The following SPOCD1 variants were observed in gnomAD, a reference collection of about 807,000 sequenced individuals.
The protein encoded by SPOCD1 is SPOC domain containing 1.
Under a neutral mutation model 92.2 loss-of-function variants are expected in SPOCD1, and 64 were observed. The ratio of observed to expected loss-of-function variants is 0.69; its 90% CI spans 0.57 to 0.86. SPOCD1 has a LOEUF of 0.86. Among genes scored for constraint, SPOCD1 ranks in the 40% least tolerant of loss-of-function variants. SPOCD1 has a pLI of 0.00. For synonymous variants in SPOCD1, 578 were observed against 619.3 expected, an observed-to-expected ratio of 0.93 and a Z score of 0.99; for missense variants, 1,360 against 1,543.1, an observed-to-expected ratio of 0.88 and a Z score of 1.99.
rs1470566953 is a variant in SPOCD1, at chr1:31,798,643, G to A, written c.1869-42C>T. On this transcript the variant is annotated intron_variant, in intron 7 of 15. Coordinates refer to ENST00000360482, the MANE Select transcript of SPOCD1 (RefSeq NM_144569.7). This position sits in a 1 kb window ranked among gnomAD's most constrained non-coding sequence, Gnocchi z 4.1. The stretch of plus-strand genomic sequence containing the variant: ...AGGGCGGGGGCACTGAGCCCAGGAG[G>A]CTCTCCAGGCACTTAGTCCCAGAGG... 1.3e-6 allele frequency: 2 copies of A among 1,592,080 alleles called. No individual in the cohort carries two copies. The highest frequency in any genetic ancestry group is 2.3e-5 in the East Asian group (1 of 44,028).
At chr1:31,794,510 TTTTTTG>T (rs1647866749) in intron 10 of SPOCD1, 21 of 262,914 alleles carry the variant, frequency 8.0e-5, no homozygotes, top group Admixed American at 1.0e-4. Context: ...TCTTTTTTTT[TTTTTTG>T]TTTGTTTGTT....
intron 2 of SPOCD1, among the ~76,000 whole-genome samples, chr1:31,807,731 G>GA (rs2149114951): frequency 6.6e-6 from 1 of 151,946 alleles, no homozygotes; most frequent in South Asian, 2.1e-4. Context: ...TCGGTTCTTT[G>GA]AAAAAACTGA....
At position 31,798,919 on chromosome 1, in the gene SPOCD1, T is replaced by G; in HGVS notation, c.1869-318A>C. On this transcript the variant is annotated intron_variant, in intron 7 of 15. Coordinates refer to ENST00000360482, the MANE Select transcript of SPOCD1 (RefSeq NM_144569.7). The surrounding 1 kb of genome is among the most constrained non-coding windows in gnomAD (Gnocchi z 4.1). Reference sequence around the variant, plus strand: ...TGTGCCCCGTCTCTGGCTCACGGGATGTGTGGAGGGGAGGAAGCCGGGGTC... The same window carrying G: ...TGTGCCCCGTCTCTGGCTCACGGGAGGTGTGGAGGGGAGGAAGCCGGGGTC... The G allele has an allele frequency of 1.8e-6, 1 of 560,290 alleles. No individual in the cohort carries two copies. Among genetic ancestry groups the G allele is most frequent in the Non-Finnish European group, 3.1e-6 (1 of 318,046 alleles). 34.7% of individuals were successfully genotyped at this position (560,290 alleles called of 1,614,324 possible).
chr1:31,798,119 CCT>C lies in SPOCD1; in HGVS notation c.2145+86_2145+87del. 2.1e-6 allele frequency: 2 copies of C among 975,220 alleles called. No individual in the cohort carries two copies. The highest frequency in any genetic ancestry group is 2.4e-5 in the East Asian group (1 of 41,744). The allele number at this position is 975,220 out of a possible 1,614,324, so 60.4% of individuals were successfully genotyped here. ...TTTCTGAATTCCTCCTCCCTCCCTC[CCT>C]GTCTCTGTCTCTCCCTCTTCCACTC... On this transcript the variant is annotated intron_variant, in intron 9 of 15. Transcript: ENST00000360482. The surrounding 1 kb of genome is among the most constrained non-coding windows in gnomAD (Gnocchi z 4.1).
chr1:31,799,551 G>A (rs1648288472), intron 6 of SPOCD1, 66 bp from the exon 7 acceptor site: 3 of 1,414,668 alleles, frequency 2.1e-6, no homozygotes, highest in African/African-American at 2.8e-5. Context: ...GCTGACTCAA[G>A]GCTGATGGGT....
intron 7 of SPOCD1, among the ~76,000 whole-genome samples, chr1:31,799,110 G>T (rs1384561642): frequency 6.6e-6 from 1 of 152,180 alleles, no homozygotes; most frequent in Non-Finnish European, 1.5e-5. Context: ...GCCGCTCCCA[G>T]CACACACTCT....
chr1:31,795,045 G>C (rs1320887502), intron 10 of SPOCD1: 1 of 152,220 alleles, frequency 6.6e-6, no homozygotes, highest in Non-Finnish European at 1.5e-5. Context: ...AAATAGCACT[G>C]AGGACATTTT....
chr1:31,804,684 CAGAT>C (rs1648693526), intron 2 of SPOCD1, among the ~76,000 whole-genome samples: 1 of 79,394 alleles, frequency 1.3e-5, no homozygotes, highest in African/African-American at 4.3e-5. Context: ...AAAACAATCC[CAGAT>C]AGATAAGATG....
rs1342247931 is a variant in SPOCD1 at position 31,814,019 on chromosome 1, C to A, written c.1315G>T (p.Asp439Tyr). 6.2e-7 allele frequency: 1 copy of A among 1,609,942 alleles called. No homozygotes were observed. The highest frequency in any genetic ancestry group is 1.7e-5 in the Admixed American group (1 of 59,626). ...PVPCAQDRGT[D>Y]RSSDNSHQDR... Reference sequence around the variant, plus strand: ...TGGTGGGAGTTGTCTGAGCTTCTGTCTGTGCCCCGGTCTTGGGCACAGGGC... The same window carrying A: ...TGGTGGGAGTTGTCTGAGCTTCTGTATGTGCCCCGGTCTTGGGCACAGGGC... The change falls in exon 2 of 16, where the codon GAC (aspartate) becomes TAC (tyrosine). Residue 439 changes from aspartate to tyrosine, a missense_variant. Physicochemically the swap from Asp to Tyr is radical, Grantham distance 160. Transcript: ENST00000360482. This position sits in a 1 kb window ranked among gnomAD's most constrained non-coding sequence, Gnocchi z 4.2.
At chr1:31,801,605 A>T in intron 3 of SPOCD1, 59 bp downstream of exon 3, 2 of 1,525,914 alleles carry the variant, frequency 1.3e-6, no homozygotes, top group Non-Finnish European at 1.8e-6. Flanking sequence ...GAGCCCTCCC[A>T]CTCCACCCCA....
Position 31,798,789 on chromosome 1 carries a change from T to C in SPOCD1, c.1869-188A>G. 1.6e-6 allele frequency: 1 copy of C among 632,714 alleles called. No homozygotes were observed. The highest frequency in any genetic ancestry group is 2.7e-6 in the Non-Finnish European group (1 of 366,130). 39.2% of individuals were successfully genotyped at this position (632,714 alleles called of 1,614,324 possible). ...GGAGGAAATAGGATCATTCTCCTTT[T>C]ATGGATGGGGTTACTGGGGCTCAGG... On this transcript the variant is annotated intron_variant, in intron 7 of 15. Transcript: ENST00000360482. The surrounding 1 kb of genome is among the most constrained non-coding windows in gnomAD (Gnocchi z 4.1).
chr1:31,794,501 C>CTT (rs869084604), intron 10 of SPOCD1: 111 of 77,982 alleles, frequency 1.4e-3, no homozygotes, highest in South Asian at 2.8e-3. Flanking sequence ...TTTTTCTTTT[C>CTT]TTTTTTTTTT....
At chr1:31,815,495 T>A in intron 1 of SPOCD1, 123 bp from the exon 2 acceptor site, 1 of 635,812 alleles carries the variant, frequency 1.6e-6, no homozygotes, top group Non-Finnish European at 2.5e-6. Context: ...TCCTGAGGCC[T>A]AGGGGTGAGC....
At chr1:31,805,825 T>C (rs1648784357) in intron 2 of SPOCD1, among the ~76,000 whole-genome samples, 1 of 152,086 alleles carries the variant, frequency 6.6e-6, no homozygotes, top group South Asian at 2.1e-4. Context: ...ACAAAAATTA[T>C]CAGACCTTTA....
chr1:31,808,191 CAAA>C (rs1648965177), intron 2 of SPOCD1, among the ~76,000 whole-genome samples: 1 of 151,946 alleles, frequency 6.6e-6, no homozygotes, highest in Non-Finnish European at 1.5e-5. Context: ...TATTATAGAA[CAAA>C]TCATTTCAGG....
chr1:31,796,881 G>A (rs112774870), intron 9 of SPOCD1, among the ~76,000 whole-genome samples, 166 bp from the exon 10 acceptor site: 7 of 152,126 alleles, frequency 4.6e-5, no homozygotes, highest in Middle Eastern at 3.4e-3. Flanking sequence ...CACCCTTAGC[G>A]CTACCTCTCC....
rs973833415 is a variant in SPOCD1, at chr1:31,796,628, G to C, written c.2233C>G (p.Arg745Gly). 1 of 1,614,096 alleles carries C rather than the reference G, an allele frequency of 6.2e-7. No individual in the cohort carries two copies. The highest frequency in any genetic ancestry group is 8.5e-7 in the Non-Finnish European group (1 of 1,180,050). The change falls in exon 10 of 16, where the codon CGG becomes GGG. Residue 745 changes from arginine (R) to glycine (G), a missense_variant. Physicochemically the swap from Arg to Gly is moderately radical, Grantham distance 125 (BLOSUM62 -2). Transcript: ENST00000360482. ...MTHKGEVEIQ[R>G]DMDQTLTLED... The stretch of plus-strand genomic sequence containing the variant: ...AGGGTCAGTGTCTGGTCCATGTCCC[G>C]CTGAATCTCCACTTCGCCCTTGTGG...
Position 31,812,404 on chromosome 1 carries a change from A to ACCTGCGGT in SPOCD1, c.1383+1546_1383+1547insACCGCAGG, listed in dbSNP as rs1649259029. On this transcript the variant is annotated intron_variant, in intron 2 of 15. Coordinates refer to ENST00000360482, the MANE Select transcript of SPOCD1 (RefSeq NM_144569.7). ...CATAGACAGCTATGATGCAGGGCTC[A>ACCTGCGGT]GGAAAAGATCAAATTCGGCAGAACA... Among the ~76,000 whole-genome samples, 2 of 152,238 alleles carry ACCTGCGGT rather than the reference A, an allele frequency of 1.3e-5. 1 individual carries two copies. The highest frequency in any genetic ancestry group is 4.8e-5 in the African/African-American group (2 of 41,460).
chr1:31,799,725 G>A (rs1648300655), intron 6 of SPOCD1, 84 bp downstream of exon 6: 1 of 1,492,260 alleles, frequency 6.7e-7, no homozygotes. Context: ...CATAGCAGGG[G>A]CTGGGCCCAG....
Sources: gnomAD v4.1 joint callset for allele counts (sites outside exome capture counted in the v4.1 genomes callset) on GRCh38, gnomAD v4.1.1 for gene constraint, Gnocchi (gnomAD v3.1) non-coding constraint, MANE v1.5 for transcripts, NCBI Gene and HGNC (gene_info 2026-07-23, HGNC 2026-07-21) for gene names.